The following SYNPR variants were observed in gnomAD, a reference collection of about 807,000 sequenced individuals.
SYNPR encodes synaptoporin.
Under a neutral mutation model 32.9 loss-of-function variants are expected in SYNPR, and 23 were observed. That is an observed-to-expected ratio of 0.70 (90% CI 0.50 to 0.99). The LOEUF is 0.99. Ranked by LOEUF, SYNPR falls within the 50% of genes least tolerant of loss-of-function variation. The pLI, the probability that SYNPR is intolerant of heterozygous loss-of-function variation, is 0.00. For missense variants in SYNPR, 318 were observed against 349.3 expected, an observed-to-expected ratio of 0.91 and a Z score of 0.71; for synonymous variants, 146 against 135.9, an observed-to-expected ratio of 1.07 and a Z score of -0.52.
In SYNPR at chr3:63,472,060, C is replaced by A. The variant is rs768221356; in HGVS notation, c.85-8772C>A. Among the ~76,000 whole-genome samples, 5 of 152,196 alleles carry A rather than the reference C, an allele frequency of 3.3e-5. No homozygotes were observed. The South Asian group carries it at 8.3e-4, about 25-fold the overall frequency. On this transcript the variant is annotated intron_variant, in intron 2 of 5. Transcript: ENST00000478300. ...GCTTGGGTGTTGCTGAGGCACAGTA[C>A]GTGAGCTACCACCTGCAGCAATGGG...
chr3:63,396,493 G>C (rs543096449), intron 2 of SYNPR, among the ~76,000 whole-genome samples: 1 of 152,154 alleles, frequency 6.6e-6, no homozygotes, highest in African/African-American at 2.4e-5. Flanking sequence ...TATTAGTTCA[G>C]GTATCACCTC....
chr3:63,441,650 T>C (rs11711289), intron 2 of SYNPR, among the ~76,000 whole-genome samples: 51,005 of 152,036 alleles, frequency 0.34, 9,221 homozygotes, highest in East Asian at 0.59. Context: ...CTCATTGAAG[T>C]GCAGAGATTT....
intron 3 of SYNPR, among the ~76,000 whole-genome samples, chr3:63,495,538 T>A (rs1418518413): frequency 1.3e-5 from 2 of 152,196 alleles, no homozygotes; most frequent in Admixed American, 1.3e-4. Context: ...AAATTAGCTA[T>A]GAATTATGCT....
At chr3:63,268,877 CTA>C (rs1354334068) in intron 3 of SYNPR, among the ~76,000 whole-genome samples, 5 of 152,128 alleles carry the variant, frequency 3.3e-5, no homozygotes, top group Non-Finnish European at 5.9e-5. Context: ...TCCAATTGTA[CTA>C]TCTTTTGACA....
intron 2 of SYNPR, among the ~76,000 whole-genome samples, chr3:63,434,844 G>A (rs1409533875): frequency 6.6e-6 from 1 of 152,076 alleles, no homozygotes; most frequent in African/African-American, 2.4e-5. Context: ...ATGAAAATAG[G>A]CATCATAAAA....
chr3:63,479,555 T>C (rs573209103), intron 2 of SYNPR, among the ~76,000 whole-genome samples: 2 of 152,268 alleles, frequency 1.3e-5, no homozygotes, highest in African/African-American at 4.8e-5. Context: ...TAAAGATAAA[T>C]GGCCAATTGA....
At chr3:63,518,139 TCAAA>T (rs1360760733) in intron 3 of SYNPR, among the ~76,000 whole-genome samples, 1 of 152,098 alleles carries the variant, frequency 6.6e-6, no homozygotes, top group African/African-American at 2.4e-5. Flanking sequence ...CAGAGGTAAC[TCAAA>T]CAATCACCTA....
At chr3:63,580,526 T>C (rs1355453316) in intron 4 of SYNPR, among the ~76,000 whole-genome samples, 5 of 151,746 alleles carry the variant, frequency 3.3e-5, no homozygotes. Context: ...TTGTGTAGTC[T>C]CCAGGACGTG....
chr3:63,492,381 A>C (rs1701272070), intron 3 of SYNPR, among the ~76,000 whole-genome samples: 2 of 152,208 alleles, frequency 1.3e-5, no homozygotes, highest in South Asian at 4.1e-4. Context: ...ACGAAAATAC[A>C]GAGGAACAGT....
rs558884329 is a variant in SYNPR at position 63,598,779 on chromosome 3, T to C, written c.409-10346T>C. ...AGCCTCTTCACTCTATGGGAATAAA[T>C]AACACATGAAAAGTGAGCAGAAAAG... On this transcript the variant is annotated intron_variant, in intron 4 of 5. Transcript: ENST00000478300. Among the ~76,000 whole-genome samples, 181 of 152,240 alleles carry C rather than the reference T, an allele frequency of 1.2e-3. 2 individuals carry two copies. Among genetic ancestry groups the C allele is most frequent in the Non-Finnish European group, 3.2e-4 (22 of 68,004 alleles).
chr3:63,214,327 C>G, the SYNPR span, among the ~76,000 whole-genome samples: 1 of 39,176 alleles, frequency 2.6e-5, no homozygotes, highest in Admixed American at 3.3e-4. Context: ...GGCTGTGAAT[C>G]CATCTGGTTC....
chr3:63,584,186 C>T (rs1292712255), intron 4 of SYNPR, among the ~76,000 whole-genome samples: 1 of 152,036 alleles, frequency 6.6e-6, no homozygotes, highest in African/African-American at 2.4e-5. Context: ...AGGAGAGCAG[C>T]CTTAAGGAGG....
rs535587049 is a variant in SYNPR at position 63,536,271 on chromosome 3, C to T, written c.210-20272C>T. ...TATATGAAGAATTCTTATAACTTAA[C>T]AATAAAAAGATGACCAGTTTTAAAA... On this transcript the variant is annotated intron_variant, in intron 3 of 5. Transcript: ENST00000478300. Among the ~76,000 whole-genome samples, 4 of 152,094 alleles carry T rather than the reference C, an allele frequency of 2.6e-5. No homozygotes were observed. The South Asian group carries it at 8.3e-4, about 32-fold the overall frequency.
chr3:63,422,783 C>A (rs1245180364), intron 2 of SYNPR, among the ~76,000 whole-genome samples: 1 of 151,934 alleles, frequency 6.6e-6, no homozygotes, highest in Non-Finnish European at 1.5e-5. Flanking sequence ...TTAATACCCC[C>A]AAATTTCACT....
intron 2 of SYNPR, among the ~76,000 whole-genome samples, chr3:63,368,858 T>C (rs1256119103): frequency 6.6e-6 from 1 of 152,214 alleles, no homozygotes; most frequent in Admixed American, 6.5e-5. Flanking sequence ...GATTGTGTTG[T>C]TGATAGACAT....
intron 2 of SYNPR, among the ~76,000 whole-genome samples, chr3:63,454,315 G>C (rs1700438230): frequency 6.6e-6 from 1 of 152,070 alleles, no homozygotes. Flanking sequence ...ACCTTTGTGA[G>C]TTTTCCAATT....
At chr3:63,456,083 A>C (rs912295485) in intron 2 of SYNPR, among the ~76,000 whole-genome samples, 75 of 152,060 alleles carry the variant, frequency 4.9e-4, no homozygotes, top group African/African-American at 1.7e-3. Flanking sequence ...CGTGCAGGGG[A>C]ATTCCTCTTT....
At chr3:63,260,427 A>G (rs1179121236) in intron 2 of SYNPR, among the ~76,000 whole-genome samples, 16 of 152,160 alleles carry the variant, frequency 1.1e-4, no homozygotes, top group Admixed American at 5.2e-4. Context: ...CATATCTACA[A>G]CCATCTGATC....
chr3:63,294,518 T>C (rs932240034), intron 2 of SYNPR, among the ~76,000 whole-genome samples: 7 of 152,248 alleles, frequency 4.6e-5, no homozygotes, highest in African/African-American at 1.7e-4. Flanking sequence ...CTCATGATGC[T>C]GTTCACGTGG....
Sources: gnomAD v4.1 joint callset for allele counts (sites outside exome capture counted in the v4.1 genomes callset) on GRCh38, gnomAD v4.1.1 for gene constraint, MANE v1.5 for transcripts, NCBI Gene and HGNC (gene_info 2026-07-23, HGNC 2026-07-21) for gene names.